The following SMC6 variants were observed in gnomAD, a reference collection of about 807,000 sequenced individuals.
SMC6 encodes the protein structural maintenance of chromosomes protein 6.
SMC6 carries 79 observed loss-of-function variants against 142.2 expected under a neutral mutation model. That is an observed-to-expected ratio of 0.56 (90% CI 0.46 to 0.67). SMC6 has a LOEUF of 0.67. Among genes scored for constraint, SMC6 ranks in the 30% least tolerant of loss-of-function variants. The pLI is 0.00. For synonymous variants in SMC6, 411 were observed against 412.4 expected, an observed-to-expected ratio of 1.00 and a Z score of 0.04; for missense variants, 1,072 against 1,284.0, an observed-to-expected ratio of 0.83 and a Z score of 2.52.
intron 25 of SMC6, among the ~76,000 whole-genome samples, chr2:17,674,808 A>G (rs1419415854): frequency 6.6e-6 from 1 of 152,040 alleles, no homozygotes; most frequent in African/African-American, 2.4e-5. Context: ...CATAAAGTCT[A>G]TTTTGTTATT....
chr2:17,708,721 A>C lies in SMC6; in HGVS notation c.1763T>G (p.Leu588Arg). The C allele has an allele frequency of 1.3e-6, 2 of 1,552,588 alleles. No homozygotes were observed. Among genetic ancestry groups the C allele is most frequent in the Non-Finnish European group, 1.7e-6 (2 of 1,147,428 alleles). Residue 588 changes from leucine (L) to arginine (R), a missense_variant, in exon 17 of 28, where the codon CTG (leucine) becomes CGG (arginine). Leu to Arg is a moderately radical substitution (Grantham distance 102, BLOSUM62 -2). Around this residue, in one of 3 missense-constraint regions of SMC6, gnomAD observed 994 missense variants for 1,153.2 expected, o/e 0.86. Transcript: ENST00000448223. Reference sequence around the variant, plus strand: ...CGCATTATCTATTTCTAAAGCTGTCAGAACTGTTGGAAAGTCTGGATGATA... The same window carrying C: ...CGCATTATCTATTTCTAAAGCTGTCCGAACTGTTGGAAAGTCTGGATGATA... ...AAYHPDFPTV[L>R]TALEIDNAVV...
intron 11 of SMC6, 61 bp downstream of exon 11, chr2:17,720,879 C>A (rs993453412): frequency 7.2e-7 from 1 of 1,392,492 alleles, no homozygotes; most frequent in Admixed American, 1.7e-5. Flanking sequence ...CATAAATAGT[C>A]TAATATCTGT....
chr2:17,726,345 G>T, intron 8 of SMC6, 44 bp downstream of exon 8: 1 of 1,461,362 alleles, frequency 6.8e-7, no homozygotes. Context: ...ATGCCTAAAG[G>T]TATTCTTTTT....
At chr2:17,741,794 T>C in intron 3 of SMC6, 65 bp from the exon 4 acceptor site, 1 of 1,080,680 alleles carries the variant, frequency 9.3e-7, no homozygotes, top group South Asian at 1.6e-5. Context: ...CATTCAAGCA[T>C]TGTTGGCATC....
At position 17,700,350 on chromosome 2, in the gene SMC6, T is replaced by A; in HGVS notation, c.2252A>T (p.Lys751Ile). Residue 751 changes from lysine (K) to isoleucine (I), a missense_variant, in exon 21 of 28, where the codon AAA (lysine) becomes ATA (isoleucine). By Grantham distance (102) the Lys-to-Ile change is moderately radical. Coordinates refer to ENST00000448223, the MANE Select transcript of SMC6 (RefSeq NM_001142286.2). ...LEDEAQENKS[K>I]MKMVEEHMEQ... ...CATATGTTCCTCAACCATTTTCATT[T>A]TGCTTTTATTTTCCTGAGCTTCATC... The A allele has an allele frequency of 6.2e-7, 1 of 1,606,998 alleles. No homozygotes were observed. Among genetic ancestry groups the A allele is most frequent in the Non-Finnish European group, 8.5e-7 (1 of 1,177,672 alleles).
Position 17,716,184 on chromosome 2 carries a change from C to T in SMC6, c.1427G>A (p.Arg476Gln), listed in dbSNP as rs765897987. The T allele has an allele frequency of 9.3e-6, 15 of 1,612,796 alleles. No individual in the cohort carries two copies. The South Asian group carries it at 1.5e-4, about 17-fold the overall frequency. Residue 476 changes from arginine to glutamine, a missense_variant, in exon 15 of 28, where the codon CGA becomes CAA. Transcript: ENST00000448223. Reference protein sequence around the residue: ...LKELKDSKTDRLKRFGPNVPA... With the variant: ...LKELKDSKTDQLKRFGPNVPA... ...AACATTAGGGCCAAATCTTTTGAGT[C>T]GATCAGTTTTACTATCTTTCAATTC...
intron 23 of SMC6, among the ~76,000 whole-genome samples, chr2:17,684,950 A>G (rs1411737410): frequency 6.6e-6 from 1 of 152,162 alleles, no homozygotes; most frequent in Non-Finnish European, 1.5e-5. Context: ...ATAATCAAAC[A>G]AGAGGAGTAG....
chr2:17,743,884 C>T (rs192360515), intron 3 of SMC6, among the ~76,000 whole-genome samples: 2 of 152,220 alleles, frequency 1.3e-5, no homozygotes, highest in Admixed American at 6.5e-5. Flanking sequence ...TAGTAATATA[C>T]GTTTAAGGTT....
chr2:17,688,790 G>A (rs1378509925), intron 23 of SMC6, among the ~76,000 whole-genome samples: 1 of 152,112 alleles, frequency 6.6e-6, no homozygotes, highest in Non-Finnish European at 1.5e-5. Flanking sequence ...GAGGGGATTT[G>A]GCAATAATTG....
intron 3 of SMC6, among the ~76,000 whole-genome samples, chr2:17,744,912 T>C (rs1670661726): frequency 6.6e-6 from 1 of 152,238 alleles, no homozygotes; most frequent in Non-Finnish European, 1.5e-5. Context: ...CAGGCTTGTA[T>C]ACCTAAAATA....
At chr2:17,734,092 T>C (rs532091493) in intron 5 of SMC6, among the ~76,000 whole-genome samples, 145 of 150,280 alleles carry the variant, frequency 9.6e-4, no homozygotes, top group African/African-American at 2.4e-3. Context: ...CAGAGGAGAG[T>C]TGCAGAACAA....
At chr2:17,717,052 G>A (rs760429450) in intron 13 of SMC6, 36 bp downstream of exon 13, 3 of 1,578,548 alleles carry the variant, frequency 1.9e-6, no homozygotes, top group African/African-American at 1.4e-5. Flanking sequence ...ATTACAAAAT[G>A]GGATAGCCAT....
intron 23 of SMC6, among the ~76,000 whole-genome samples, chr2:17,692,248 G>A (rs1667767527): frequency 6.6e-6 from 1 of 152,166 alleles, no homozygotes; most frequent in African/African-American, 2.4e-5. Context: ...GCGTTGCCAA[G>A]TCAATCCTAA....
chr2:17,710,410 T>C (rs1173682149), intron 16 of SMC6, among the ~76,000 whole-genome samples: 15 of 152,062 alleles, frequency 9.9e-5, no homozygotes, highest in Admixed American at 9.8e-4. Context: ...ATTAAGTATA[T>C]TATATTATAG....
intron 25 of SMC6, among the ~76,000 whole-genome samples, chr2:17,673,038 G>C (rs771325084): frequency 6.6e-6 from 1 of 152,090 alleles, no homozygotes; most frequent in East Asian, 1.9e-4. Flanking sequence ...CAATATATGA[G>C]AGTTGCAATT....
chr2:17,730,652 G>T (rs978261728), intron 7 of SMC6, among the ~76,000 whole-genome samples: 1 of 150,654 alleles, frequency 6.6e-6, no homozygotes, highest in African/African-American at 2.4e-5. Flanking sequence ...GCCCAGGCTG[G>T]AGTGCAGTGG....
rs1351717251 is a variant in SMC6, at chr2:17,731,856, T to C, written c.366A>G (p.Thr122=). Reference sequence around the variant, plus strand: ...AGGCATCATCTCCTCTGTTCCTCAATGTTATTGAGATATCTGCAGAGCTGA... The same window carrying C: ...AGGCATCATCTCCTCTGTTCCTCAACGTTATTGAGATATCTGCAGAGCTGA... The part of the protein sequence containing the change: ...DGQNSADISI[T]LRNRGDDAFK... The change falls in exon 6 of 28, where the codon ACA becomes ACG. Residue 122 remains threonine, a synonymous_variant. Transcript: ENST00000448223. 6.2e-7 allele frequency: 1 copy of C among 1,613,568 alleles called. No homozygotes were observed. The highest frequency in any genetic ancestry group is 1.3e-5 in the African/African-American group (1 of 74,918).
intron 7 of SMC6, among the ~76,000 whole-genome samples, chr2:17,728,604 C>G (rs1249947390): frequency 1.3e-5 from 2 of 151,868 alleles, no homozygotes; most frequent in Non-Finnish European, 2.9e-5. Context: ...AAGCAAAAAG[C>G]AAAAACTGGT....
intron 14 of SMC6, 76 bp downstream of exon 14, chr2:17,716,665 C>T: frequency 1.5e-6 from 2 of 1,358,076 alleles, no homozygotes; most frequent in Non-Finnish European, 2.0e-6. Flanking sequence ...ACCATATTTG[C>T]TCTCTTCATA....
Sources: gnomAD v4.1 joint callset for allele counts (sites outside exome capture counted in the v4.1 genomes callset) on GRCh38, gnomAD v4.1.1 for gene constraint, gnomAD v4.1.1 regional missense constraint, MANE v1.5 for transcripts, NCBI Gene and HGNC (gene_info 2026-07-23, HGNC 2026-07-21) for gene names.